The following ADAMTS12 variants were observed in gnomAD, a reference collection of about 807,000 sequenced individuals.
ADAMTS12 encodes A disintegrin and metalloproteinase with thrombospondin motifs 12.
A neutral mutation model predicts 167.8 loss-of-function variants in ADAMTS12; 118 were observed. The observed-to-expected ratio is 0.70, with a 90% CI of 0.61 to 0.82. The LOEUF (loss-of-function observed/expected upper bound fraction) is 0.82, where lower values mean the gene tolerates loss of function less well. ADAMTS12 is among the 40% of genes least tolerant of loss of function. The pLI is 0.00. For synonymous variants in ADAMTS12, 704 were observed against 716.9 expected (o/e 0.98, Z 0.29); for missense variants, 1,916 against 1,998.8 (o/e 0.96, Z 0.79).
chr5:33,570,782 A>G (rs1166605499), intron 19 of ADAMTS12, among the ~76,000 whole-genome samples: 29 of 150,942 alleles, frequency 1.9e-4, no homozygotes, highest in African/African-American at 6.5e-4. Context: ...AAATGCTCCA[A>G]TTAAAAGACA....
At chr5:33,850,771 A>G (rs966769609) in intron 2 of ADAMTS12, among the ~76,000 whole-genome samples, 12 of 152,182 alleles carry the variant, frequency 7.9e-5, no homozygotes, top group African/African-American at 2.9e-4. Context: ...CTGGGCTGCA[A>G]GGATCCAGTT....
intron 3 of ADAMTS12, among the ~76,000 whole-genome samples, chr5:33,738,726 C>T (rs556240541): frequency 2.6e-5 from 4 of 152,340 alleles, no homozygotes; most frequent in South Asian, 2.1e-4. Flanking sequence ...TGAGGAAGGA[C>T]GGAGCCAGTC....
intron 2 of ADAMTS12, among the ~76,000 whole-genome samples, chr5:33,862,660 T>A (rs10941107): frequency 0.42 from 63,104 of 151,848 alleles, 14,403 homozygotes; most frequent in African/African-American, 0.61. Context: ...TCCAAACAAT[T>A]GAAAAAGAGG....
At chr5:33,684,452 T>G (rs544050750) in intron 3 of ADAMTS12, among the ~76,000 whole-genome samples, 8 of 152,168 alleles carry the variant, frequency 5.3e-5, no homozygotes, top group Non-Finnish European at 1.2e-4. Context: ...CATATTCTTC[T>G]CTCCATTTTG....
At chr5:33,554,637 C>T (rs1051532925) in intron 20 of ADAMTS12, among the ~76,000 whole-genome samples, 1 of 152,176 alleles carries the variant, frequency 6.6e-6, no homozygotes. Context: ...CTTTTGCACA[C>T]TGGACTTTAG....
At chr5:33,775,587 A>T (rs1360801468) in intron 2 of ADAMTS12, among the ~76,000 whole-genome samples, 2 of 152,204 alleles carry the variant, frequency 1.3e-5, no homozygotes, top group African/African-American at 4.8e-5. Flanking sequence ...ACTTTGGAAA[A>T]CTAGCCATTA....
At position 33,837,201 on chromosome 5, in the gene ADAMTS12, C is replaced by A. The variant is rs865784961; in HGVS notation, c.489+43918G>T. 1.3e-5 allele frequency among the ~76,000 whole-genome samples: 2 copies of A among 152,110 alleles called. 1 individual carries two copies. Among genetic ancestry groups the A allele is most frequent in the African/African-American group, 4.8e-5 (2 of 41,408 alleles). On this transcript the variant is annotated intron_variant, in intron 2 of 23. Coordinates refer to ENST00000504830, the MANE Select transcript of ADAMTS12 (RefSeq NM_030955.4). ...CCAGGTCAGAGATCGGGGCTGGGCCCGAGTAGGGGAGTGGACAGACAGGAC... is the reference window on the plus strand; with the variant it reads ...CCAGGTCAGAGATCGGGGCTGGGCCAGAGTAGGGGAGTGGACAGACAGGAC...
intron 2 of ADAMTS12, among the ~76,000 whole-genome samples, chr5:33,795,559 G>A (rs1746741535): frequency 6.6e-6 from 1 of 152,214 alleles, no homozygotes; most frequent in African/African-American, 2.4e-5. Flanking sequence ...CTTAAGAAAT[G>A]TCATTCAGAA....
At chr5:33,833,991 G>T (rs1748412784) in intron 2 of ADAMTS12, among the ~76,000 whole-genome samples, 1 of 152,036 alleles carries the variant, frequency 6.6e-6, no homozygotes, top group Non-Finnish European at 1.5e-5. Context: ...GGAAATCCAA[G>T]ATCAAAGTGT....
chr5:33,780,918 T>A (rs552607544), intron 2 of ADAMTS12, among the ~76,000 whole-genome samples: 2 of 152,230 alleles, frequency 1.3e-5, no homozygotes, highest in East Asian at 3.9e-4. Flanking sequence ...GGAATCTCAG[T>A]GGTGGGATGG....
intron 2 of ADAMTS12, among the ~76,000 whole-genome samples, chr5:33,875,923 A>G (rs934237295): frequency 6.6e-6 from 1 of 152,168 alleles, no homozygotes; most frequent in Non-Finnish European, 1.5e-5. Context: ...AGAATCTTCT[A>G]AAAAAACCAT....
At position 33,891,938 on chromosome 5, in the gene ADAMTS12, A is replaced by C; in HGVS notation, c.-82T>G. 3 of 1,540,332 alleles carry C rather than the reference A, an allele frequency of 1.9e-6. No homozygotes were observed. Among genetic ancestry groups the C allele is most frequent in the Non-Finnish European group, 2.6e-6 (3 of 1,140,180 alleles). On this transcript the variant is annotated 5_prime_UTR_variant, in exon 1 of 24. Transcript: ENST00000504830. ...ATAAAGCGCTCGCCTGTGGCCCAGC[A>C]GGAAGATGCAGGGGTGCATGGTCAG...
At chr5:33,587,737 T>G (rs418591) in intron 18 of ADAMTS12, among the ~76,000 whole-genome samples, 34,647 of 152,160 alleles carry the variant, frequency 0.23, 4,048 homozygotes, top group Non-Finnish European at 0.25. Flanking sequence ...CAGGTGCCTG[T>G]CCAGTGGTAG....
At position 33,740,937 on chromosome 5, in the gene ADAMTS12, G is replaced by A. The variant is rs1402196140; in HGVS notation, c.634+10467C>T. Among the ~76,000 whole-genome samples the A allele has an allele frequency of 3.3e-5, 5 of 152,188 alleles. No individual in the cohort carries two copies. In the South Asian group the frequency reaches 8.3e-4, roughly 25 times the overall value. ...TGTCTCCTCAGACTTCACTTATAAAGCGGACATTCAAATATTAAAAACACT... is the reference window on the plus strand; with the variant it reads ...TGTCTCCTCAGACTTCACTTATAAAACGGACATTCAAATATTAAAAACACT... On this transcript the variant is annotated intron_variant, in intron 3 of 23. Coordinates refer to ENST00000504830, the MANE Select transcript of ADAMTS12 (RefSeq NM_030955.4).
At chr5:33,706,918 A>G (rs774355620) in intron 3 of ADAMTS12, among the ~76,000 whole-genome samples, 51 of 152,042 alleles carry the variant, frequency 3.4e-4, no homozygotes, top group Admixed American at 9.2e-4. Flanking sequence ...CTTTCTCACC[A>G]CTCCTATTCA....
intron 16 of ADAMTS12, among the ~76,000 whole-genome samples, chr5:33,599,141 G>A (rs992596455): frequency 1.3e-5 from 2 of 152,174 alleles, no homozygotes; most frequent in African/African-American, 2.4e-5. Flanking sequence ...AAACACAGTG[G>A]AACAGAGGCA....
At chr5:33,861,055 C>T (rs1749596842) in intron 2 of ADAMTS12, among the ~76,000 whole-genome samples, 1 of 152,130 alleles carries the variant, frequency 6.6e-6, no homozygotes, top group African/African-American at 2.4e-5. Context: ...AAAGGAAAAA[C>T]CGGTGTCAGC....
intron 23 of ADAMTS12, among the ~76,000 whole-genome samples, chr5:33,529,481 A>C (rs1286539533): frequency 6.6e-6 from 1 of 152,126 alleles, no homozygotes; most frequent in Non-Finnish European, 1.5e-5. Flanking sequence ...TACAGAGAAA[A>C]TATTTTCATA....
Position 33,830,381 on chromosome 5 carries a change from A to G in ADAMTS12, c.489+50738T>C, listed in dbSNP as rs529571720. 5.9e-5 allele frequency among the ~76,000 whole-genome samples: 9 copies of G among 152,372 alleles called. No individual in the cohort carries two copies. In the South Asian group the frequency reaches 1.9e-3, roughly 32 times the overall value. On this transcript the variant is annotated intron_variant, in intron 2 of 23. Coordinates refer to ENST00000504830, the MANE Select transcript of ADAMTS12 (RefSeq NM_030955.4). ...CAATTACATGATTAGAAGTATATTCACAAGAGAAGATAGTCAGAAAATGGT... is the reference window on the plus strand; with the variant it reads ...CAATTACATGATTAGAAGTATATTCGCAAGAGAAGATAGTCAGAAAATGGT...
Sources: allele counts gnomAD v4.1 joint callset (sites outside exome capture counted in the v4.1 genomes callset), GRCh38; gene constraint gnomAD v4.1.1; transcripts MANE v1.5; gene names NCBI Gene and HGNC (gene_info 2026-07-23, HGNC 2026-07-21).